Variants in BRD10 observed in about 807,000 individuals in gnomAD.
The protein encoded by BRD10 is uncharacterized bromodomain-containing protein 10.
the BRD10 span, among the ~76,000 whole-genome samples, chr9:5,928,739 C>T: frequency 6.6e-6 from 1 of 152,172 alleles, no homozygotes; most frequent in African/African-American, 2.4e-5. Context: ...TAACCTTCAC[C>T]CTGCCCAAAT....
the BRD10 span, among the ~76,000 whole-genome samples, chr9:5,940,781 G>A: frequency 6.6e-6 from 1 of 152,072 alleles, no homozygotes; most frequent in African/African-American, 2.4e-5. Context: ...AATATGTATA[G>A]CTTTCCTTAC....
chr9:5,958,009 C>T, the BRD10 span, among the ~76,000 whole-genome samples: 10 of 152,082 alleles, frequency 6.6e-5, no homozygotes, highest in Admixed American at 6.6e-4. Context: ...AATTCTCAAA[C>T]CTATAATTAT....
chr9:5,913,834 CA>C, the BRD10 span: 1 of 235,884 alleles, frequency 4.2e-6, no homozygotes, highest in Non-Finnish European at 8.5e-6. Flanking sequence ...AAATCACTTA[CA>C]GTTCAAAGAA....
At chr9:5,898,059 T>C in the BRD10 span, 1 of 132,960 alleles carries the variant, frequency 7.5e-6, no homozygotes, top group South Asian at 2.0e-4. Context: ...GCTGAACTCA[T>C]TTTTTTTTTT....
At chr9:5,966,706 C>T in the BRD10 span, among the ~76,000 whole-genome samples, 2 of 151,980 alleles carry the variant, frequency 1.3e-5, no homozygotes, top group Non-Finnish European at 2.9e-5. Context: ...GATCTGCCCC[C>T]CTCGGCCTCC....
the BRD10 span, among the ~76,000 whole-genome samples, chr9:5,987,180 T>A: frequency 6.8e-4 from 104 of 152,346 alleles, no homozygotes; most frequent in Non-Finnish European, 1.3e-3. Context: ...TCTTTTTTTT[T>A]ATCTTATTGT....
the BRD10 span, chr9:6,007,608 C>A: frequency 6.2e-7 from 1 of 1,606,354 alleles, no homozygotes; most frequent in Admixed American, 1.7e-5. Flanking sequence ...CCATCGCCTC[C>A]ATCTCTTCCT....
chr9:6,004,868 TAGA>T, the BRD10 span, among the ~76,000 whole-genome samples: 2 of 152,216 alleles, frequency 1.3e-5, no homozygotes, highest in East Asian at 1.9e-4. Context: ...GATTTTAGGC[TAGA>T]AGAACTGATG....
At chr9:6,006,974 C>T in the BRD10 span, among the ~76,000 whole-genome samples, 1 of 152,232 alleles carries the variant, frequency 6.6e-6, no homozygotes, top group Non-Finnish European at 1.5e-5. Context: ...GCGCTGCAGA[C>T]TCGGGTTTCC....
At chr9:5,904,536 G>A in the BRD10 span, among the ~76,000 whole-genome samples, 1 of 152,058 alleles carries the variant, frequency 6.6e-6, no homozygotes, top group Non-Finnish European at 1.5e-5. Context: ...GCAGTGGCAC[G>A]ATCTCAGCTC....
the BRD10 span, among the ~76,000 whole-genome samples, chr9:5,994,775 C>T: frequency 6.6e-6 from 1 of 152,156 alleles, no homozygotes; most frequent in African/African-American, 2.4e-5. Flanking sequence ...AAAAAATAAT[C>T]CCCTTATAAT....
At chr9:5,988,988 T>C in the BRD10 span, among the ~76,000 whole-genome samples, 39 of 152,140 alleles carry the variant, frequency 2.6e-4, 1 homozygote, top group Admixed American at 2.6e-3. Flanking sequence ...CTCAGCAATT[T>C]GGGAGGCCGA....
At chr9:5,908,901 T>C in the BRD10 span, 1 of 563,512 alleles carries the variant, frequency 1.8e-6, no homozygotes, top group Non-Finnish European at 3.1e-6. Flanking sequence ...TGAGAAATAT[T>C]AAATTGGGAA....
the BRD10 span, chr9:6,007,614 T>G: frequency 1.9e-6 from 3 of 1,604,808 alleles, no homozygotes; most frequent in Non-Finnish European, 2.6e-6. Flanking sequence ...CCTCCATCTC[T>G]TCCTCCTGAT....
the BRD10 span, among the ~76,000 whole-genome samples, chr9:5,935,825 T>C: frequency 6.6e-6 from 1 of 152,348 alleles, no homozygotes; most frequent in African/African-American, 2.4e-5. Flanking sequence ...AGGCCCACTT[T>C]AAGTGTTCCA....
the BRD10 span, chr9:5,922,948 A>G: frequency 4.8e-5 from 77 of 1,614,010 alleles, no homozygotes; most frequent in African/African-American, 8.5e-4. Context: ...AGGTCACTTT[A>G]TTCCCAATAT....
At chr9:5,890,547 C>T in the BRD10 span, among the ~76,000 whole-genome samples, 3 of 152,214 alleles carry the variant, frequency 2.0e-5, no homozygotes, top group South Asian at 6.2e-4. Context: ...ATATGACCTA[C>T]TTAGACATCA....
chr9:5,940,179 A>G, the BRD10 span, among the ~76,000 whole-genome samples: 2 of 151,978 alleles, frequency 1.3e-5, no homozygotes, highest in Non-Finnish European at 2.9e-5. Flanking sequence ...ATTATTTTGT[A>G]TGTCTTTTTG....
At chr9:5,965,619 A>T in the BRD10 span, among the ~76,000 whole-genome samples, 1 of 152,348 alleles carries the variant, frequency 6.6e-6, no homozygotes, top group African/African-American at 2.4e-5. Context: ...TGACTTAAAC[A>T]TTATATACAC....
Sources: gnomAD v4.1 joint callset for allele counts (sites outside exome capture counted in the v4.1 genomes callset) on GRCh38, gnomAD v4.1.1 for gene constraint, MANE v1.5 for transcripts, NCBI Gene and HGNC (gene_info 2026-07-23, HGNC 2026-07-21) for gene names.